The following HMCN1 variants were observed in gnomAD, a reference collection of about 807,000 sequenced individuals.
The protein encoded by HMCN1 is hemicentin-1.
Under a neutral mutation model 625.9 loss-of-function variants are expected in HMCN1, and 321 were observed. That is an observed-to-expected ratio of 0.51 (90% CI 0.47 to 0.56). The LOEUF is 0.56. Ranked by LOEUF, HMCN1 falls within the 20% of genes least tolerant of loss-of-function variation. The probability of loss-of-function intolerance (pLI) is 0.00; values close to 1 mark genes in which losing one functional copy is unlikely to be tolerated. For missense variants in HMCN1, 6,588 were observed against 6,887.3 expected, an observed-to-expected ratio of 0.96 and a Z score of 1.54; for synonymous variants, 2,425 against 2,417.6, an observed-to-expected ratio of 1.00 and a Z score of -0.09.
In HMCN1 at chr1:186,095,427, C is replaced by A. The variant is rs1660084183; in HGVS notation, c.10479C>A (p.Leu3493=). Residue 3493 remains leucine (L), a synonymous_variant, in exon 68 of 107, where the codon CTC becomes CTA. Coordinates refer to ENST00000271588, the MANE Select transcript of HMCN1 (RefSeq NM_031935.3). Reference sequence around the variant, plus strand: ...GCACCCATGGAATGGTCCTGCAGCTCCTCAAAGCAGAGACTGAAGATTCGG... The same window carrying A: ...GCACCCATGGAATGGTCCTGCAGCTACTCAAAGCAGAGACTGAAGATTCGG... ...TVSTHGMVLQ[L]LKAETEDSGK... 1.9e-6 allele frequency: 3 copies of A among 1,613,672 alleles called. No individual in the cohort carries two copies. The highest frequency in any genetic ancestry group is 1.3e-5 in the African/African-American group (1 of 75,002).
chr1:186,116,835 T>A (rs1661157825), intron 75 of HMCN1, among the ~76,000 whole-genome samples, 159 bp from the exon 76 acceptor site: 1 of 152,080 alleles, frequency 6.6e-6, no homozygotes, highest in African/African-American at 2.4e-5. Context: ...AAACATAAAC[T>A]CTAATGCATA....
At chr1:185,928,495 A>C (rs766425230) in intron 9 of HMCN1, 51 bp from the exon 10 acceptor site, 4 of 1,498,006 alleles carry the variant, frequency 2.7e-6, no homozygotes, top group Non-Finnish European at 3.7e-6. Context: ...ATTGCTTTCA[A>C]CTTGGTCTTA....
intron 105 of HMCN1, among the ~76,000 whole-genome samples, chr1:186,186,994 T>TCACACACA (rs371455899): frequency 0.063 from 8,438 of 134,320 alleles, 319 homozygotes; most frequent in East Asian, 0.18. Flanking sequence ...TGTCTCTGTC[T>TCACACACA]CACACACACA....
intron 4 of HMCN1, among the ~76,000 whole-genome samples, chr1:185,890,290 T>G (rs950774787): frequency 1.3e-5 from 2 of 148,204 alleles, no homozygotes; most frequent in Non-Finnish European, 2.9e-5. Context: ...TTTTGAAAGG[T>G]TTTTTGTGTC....
chr1:185,930,500 A>T (rs1667488917), intron 10 of HMCN1, among the ~76,000 whole-genome samples: 2 of 152,210 alleles, frequency 1.3e-5, no homozygotes, highest in Non-Finnish European at 2.9e-5. Flanking sequence ...TTAAAGGGAT[A>T]TTAGGAAATA....
rs1405746569 is a variant in HMCN1 at position 186,024,325 on chromosome 1, A to G, written c.5749+1172A>G. On this transcript the variant is annotated intron_variant, in intron 36 of 106. Transcript: ENST00000271588. ...CCCCATAAGGCCTTTATCTCTTCCT[A>G]GTGCTCTTTACAGCTGTCTCCAGCA... Among the ~76,000 whole-genome samples, 6 of 152,056 alleles carry G rather than the reference A, an allele frequency of 3.9e-5. No individual in the cohort carries two copies. In the East Asian group the frequency reaches 1.2e-3, roughly 29 times the overall value.
intron 11 of HMCN1, chr1:185,957,131 A>G (rs1261258058): frequency 3.3e-5 from 5 of 152,206 alleles, no homozygotes; most frequent in Non-Finnish European, 5.9e-5. Flanking sequence ...GCAGTTAGAA[A>G]TGTCATTATG....
intron 36 of HMCN1, among the ~76,000 whole-genome samples, chr1:186,028,158 G>A (rs555926612): frequency 3.3e-5 from 5 of 152,162 alleles, no homozygotes; most frequent in South Asian, 4.2e-4. Flanking sequence ...CATGACCTGC[G>A]TGATTGAAGT....
intron 11 of HMCN1, among the ~76,000 whole-genome samples, chr1:185,940,768 CTT>C (rs1011282682): frequency 3.4e-5 from 5 of 146,840 alleles, no homozygotes; most frequent in African/African-American, 7.4e-5. Context: ...TCTCTGAACA[CTT>C]TTTTTTTTTT....
chr1:186,059,799 T>G (rs1238575816), intron 46 of HMCN1, among the ~76,000 whole-genome samples: 1 of 152,036 alleles, frequency 6.6e-6, no homozygotes, highest in Non-Finnish European at 1.5e-5. Flanking sequence ...AAGAAACGTC[T>G]CCATATAAGT....
At chr1:185,834,980 T>A (rs1661081733) in intron 1 of HMCN1, among the ~76,000 whole-genome samples, 2 of 152,158 alleles carry the variant, frequency 1.3e-5, no homozygotes, top group Admixed American at 6.6e-5. Context: ...TTTTCTAGAT[T>A]ATGTTGGAAA....
chr1:186,045,751 T>C lies in HMCN1; in HGVS notation c.6368T>C (p.Leu2123Ser). ...GTCCTCATTAGCCAAGCTGTGGAAT[T>C]ACTATGTCAAAGTGATGCTATTCCC... ...VSVLISQAVE[L>S]LCQSDAIPPP... is the part of the protein sequence containing the mutation. Residue 2123 changes from leucine to serine, a missense_variant, in exon 41 of 107, where the codon TTA (leucine) becomes TCA (serine). Around this residue, in one of 3 missense-constraint regions of HMCN1, gnomAD observed 4,628 missense variants for 4,853.1 expected, o/e 0.95. Transcript: ENST00000271588. The C allele has an allele frequency of 6.2e-7, 1 of 1,613,190 alleles. No homozygotes were observed. The highest frequency in any genetic ancestry group is 8.5e-7 in the Non-Finnish European group (1 of 1,179,264).
intron 1 of HMCN1, among the ~76,000 whole-genome samples, chr1:185,799,579 G>A (rs563652871): frequency 1.3e-5 from 2 of 152,120 alleles, no homozygotes; most frequent in Non-Finnish European, 2.9e-5. Flanking sequence ...CCCTTGGTGT[G>A]GTAGCTTTCT....
chr1:186,027,724 G>A (rs1655151345), intron 36 of HMCN1, among the ~76,000 whole-genome samples: 1 of 152,102 alleles, frequency 6.6e-6, no homozygotes, highest in Non-Finnish European at 1.5e-5. Context: ...CCTTCTCACT[G>A]CACCATTTTC....
rs1358783766 is a variant in HMCN1, at chr1:186,103,512, A to G, written c.10614A>G (p.Ile3538Met). 4 of 1,613,578 alleles carry G rather than the reference A, an allele frequency of 2.5e-6. No homozygotes were observed. Among genetic ancestry groups the G allele is most frequent in the Non-Finnish European group, 2.5e-6 (3 of 1,179,662 alleles). ...HINGSEEHEE[I>M]SVIVNNPLEL... is the part of the protein sequence containing the mutation. ...ATGGATCTGAAGAACATGAAGAGAT[A>G]TCAGTAATTGTTAATAACCCACTTG... Residue 3538 changes from isoleucine to methionine, a missense_variant, in exon 69 of 107, where the codon ATA becomes ATG. Ile to Met is a conservative substitution (Grantham distance 10). This residue lies in a region of HMCN1 where 4,628 missense variants were observed against 4,853.1 expected (regional missense o/e 0.95). Transcript: ENST00000271588.
chr1:185,951,793 C>G (rs191995498), intron 11 of HMCN1, among the ~76,000 whole-genome samples: 2,411 of 150,760 alleles, frequency 0.016, 80 homozygotes, highest in African/African-American at 0.051. Flanking sequence ...TCTGGAGGAA[C>G]GCCTGGCTGC....
intron 1 of HMCN1, among the ~76,000 whole-genome samples, chr1:185,817,368 C>G (rs1295788887): frequency 6.6e-6 from 1 of 151,906 alleles, no homozygotes; most frequent in African/African-American, 2.4e-5. Context: ...GTTGATGGGA[C>G]AGTTGGAGCA....
intron 6 of HMCN1, among the ~76,000 whole-genome samples, chr1:185,913,324 G>A (rs776115822): frequency 1.3e-5 from 2 of 152,080 alleles, no homozygotes; most frequent in Admixed American, 6.6e-5. Flanking sequence ...TTAGATTGAC[G>A]AGTTGTTTTG....
At chr1:185,907,492 T>A (rs1156611491) in intron 4 of HMCN1, among the ~76,000 whole-genome samples, 2 of 151,942 alleles carry the variant, frequency 1.3e-5, no homozygotes, top group Non-Finnish European at 2.9e-5. Flanking sequence ...ATCTTCTTCT[T>A]TTTTATCTGA....
Sources: gnomAD v4.1 joint callset for allele counts (sites outside exome capture counted in the v4.1 genomes callset) on GRCh38, gnomAD v4.1.1 for gene constraint, gnomAD v4.1.1 regional missense constraint, MANE v1.5 for transcripts, NCBI Gene and HGNC (gene_info 2026-07-23, HGNC 2026-07-21) for gene names.